SH3BGR: variants seen among roughly 807,000 people sequenced by gnomAD.
SH3BGR encodes SH3 domain-binding glutamic acid-rich protein.
SH3BGR carries 29 observed loss-of-function variants against 24.5 expected under a neutral mutation model. That is an observed-to-expected ratio of 1.18 (90% CI 0.88 to 1.61). SH3BGR has a LOEUF of 1.61. Among genes scored for constraint, SH3BGR ranks in the 40% most tolerant of loss-of-function variants. SH3BGR has a pLI of 0.00. For missense variants in SH3BGR, 162 were observed against 205.8 expected (o/e 0.79, Z 1.30); for synonymous variants, 55 against 65.7 (o/e 0.84, Z 0.79).
chr21:39,497,917 A>G (rs140162004), intron 3 of SH3BGR, among the ~76,000 whole-genome samples: 1 of 152,346 alleles, frequency 6.6e-6, no homozygotes, highest in African/African-American at 2.4e-5. Flanking sequence ...GAAAACTAAT[A>G]AGAATAGCCT....
In SH3BGR at chr21:39,459,015, A is replaced by G. The variant is rs563578758; in HGVS notation, c.46-3360A>G. On this transcript the variant is annotated intron_variant, in intron 1 of 6. Transcript: ENST00000333634. ...AGTATCCTGAGTGTATTCTATATCC[A>G]TATTGTACCAATTAGTTCTGTGGTT... Among the ~76,000 whole-genome samples the G allele has an allele frequency of 1.5e-3, 229 of 151,554 alleles. 2 individuals are homozygous for G. Among genetic ancestry groups the G allele is most frequent in the African/African-American group, 5.1e-3 (210 of 41,338 alleles).
intron 4 of SH3BGR, 33 bp from the exon 5 acceptor site, chr21:39,508,964 GT>G: frequency 1.9e-6 from 3 of 1,551,896 alleles, no homozygotes; most frequent in African/African-American, 2.7e-5. Flanking sequence ...CTTGAATTAT[GT>G]TTTTTTCTTT....
chr21:39,451,459 A>AC (rs1448328963), upstream of SH3BGR, among the ~76,000 whole-genome samples: 3 of 152,214 alleles, frequency 2.0e-5, no homozygotes, highest in Non-Finnish European at 4.4e-5. Flanking sequence ...CACACTGGAA[A>AC]CAGCCACTCT....
At chr21:39,484,963 C>G (rs555670686) in intron 3 of SH3BGR, among the ~76,000 whole-genome samples, 1 of 152,180 alleles carries the variant, frequency 6.6e-6, no homozygotes. Flanking sequence ...AATAGGTACT[C>G]TTGACAATTA....
At chr21:39,498,443 T>C (rs1176602455) in intron 3 of SH3BGR, among the ~76,000 whole-genome samples, 1 of 152,220 alleles carries the variant, frequency 6.6e-6, no homozygotes, top group Non-Finnish European at 1.5e-5. Flanking sequence ...TGTGACATTT[T>C]CTGCCTTTAT....
In SH3BGR at chr21:39,452,045, C is replaced by A; in HGVS notation, c.-52C>A. On this transcript the variant is annotated 5_prime_UTR_variant, in exon 1 of 7. Coordinates refer to ENST00000333634, the MANE Select transcript of SH3BGR (RefSeq NM_007341.3). ...GTCACTGTCAGGATTTGTCTAGCGG[C>A]GCATTCCCTGACAGGGGTGTGTTGG... 6.2e-7 allele frequency: 1 copy of A among 1,614,118 alleles called. No homozygotes were observed. The highest frequency in any genetic ancestry group is 8.5e-7 in the Non-Finnish European group (1 of 1,180,020).
At chr21:39,499,317 C>A (rs990037803) in intron 3 of SH3BGR, among the ~76,000 whole-genome samples, 2 of 128,672 alleles carry the variant, frequency 1.6e-5, no homozygotes, top group African/African-American at 2.5e-5. Context: ...TTTGCCCATC[C>A]ATCCATTCCT....
intron 1 of SH3BGR, among the ~76,000 whole-genome samples, chr21:39,453,539 ACAAT>A (rs529934170): frequency 1.2e-4 from 19 of 152,342 alleles, no homozygotes; most frequent in Middle Eastern, 3.4e-3. Flanking sequence ...TCTTCAGAAG[ACAAT>A]CAATAAGTTA....
intron 3 of SH3BGR, among the ~76,000 whole-genome samples, chr21:39,476,216 G>A (rs1005554567): frequency 6.6e-6 from 1 of 152,272 alleles, no homozygotes; most frequent in Non-Finnish European, 1.5e-5. Flanking sequence ...GAGACCAGGA[G>A]CGTGTGGCGT....
At chr21:39,458,710 G>A (rs1235973685) in intron 1 of SH3BGR, among the ~76,000 whole-genome samples, 1 of 147,508 alleles carries the variant, frequency 6.8e-6, no homozygotes, top group Non-Finnish European at 1.5e-5. Flanking sequence ...GCAGTGGCAT[G>A]ATCTGGGCTT....
chr21:39,483,776 T>C lies in SH3BGR; in HGVS notation c.312+8561T>C, dbSNP rs141853555. 2.0e-5 allele frequency among the ~76,000 whole-genome samples: 3 copies of C among 152,318 alleles called. 1 individual carries two copies. Among genetic ancestry groups the C allele is most frequent in the Admixed American group, 1.3e-4 (2 of 15,300 alleles). On this transcript the variant is annotated intron_variant, in intron 3 of 6. Coordinates refer to ENST00000333634, the MANE Select transcript of SH3BGR (RefSeq NM_007341.3). ...TTTATGGTCTAGAGGAATAGTTAGATGTGAGCATTCTGTAAGTAGATAAAA... is the reference window on the plus strand; with the variant it reads ...TTTATGGTCTAGAGGAATAGTTAGACGTGAGCATTCTGTAAGTAGATAAAA...
At chr21:39,473,578 C>A (rs1370221438) in intron 2 of SH3BGR, among the ~76,000 whole-genome samples, 1 of 152,060 alleles carries the variant, frequency 6.6e-6, no homozygotes, top group African/African-American at 2.4e-5. Flanking sequence ...AACAATAAAG[C>A]TTTGAATAAG....
chr21:39,462,882 A>C (rs1162696475), intron 2 of SH3BGR, among the ~76,000 whole-genome samples: 1 of 152,356 alleles, frequency 6.6e-6, no homozygotes, highest in East Asian at 1.9e-4. Flanking sequence ...CAGTGTGCAC[A>C]CACGTGTATC....
At chr21:39,499,260 G>GCTA (rs1569171556) in intron 3 of SH3BGR, among the ~76,000 whole-genome samples, 1 of 151,516 alleles carries the variant, frequency 6.6e-6, no homozygotes, top group Admixed American at 6.6e-5. Flanking sequence ...TCTATCATCT[G>GCTA]TCTATCTGTC....
chr21:39,496,327 C>T (rs181856877), intron 3 of SH3BGR, among the ~76,000 whole-genome samples: 6,916 of 150,630 alleles, frequency 0.046, 290 homozygotes, highest in African/African-American at 0.11. Flanking sequence ...GGTGAAACCC[C>T]GTCTCTACTA....
intron 2 of SH3BGR, among the ~76,000 whole-genome samples, chr21:39,471,477 C>CTAAA (rs2077939552): frequency 6.6e-6 from 1 of 152,070 alleles, no homozygotes; most frequent in African/African-American, 2.4e-5. Flanking sequence ...TAGGTTTTCC[C>CTAAA]CTATAATCTG....
At chr21:39,474,844 A>G (rs1021604360) in intron 2 of SH3BGR, among the ~76,000 whole-genome samples, 2 of 151,942 alleles carry the variant, frequency 1.3e-5, no homozygotes, top group Non-Finnish European at 2.9e-5. Context: ...AAAGCCATTT[A>G]CTGTGTATAT....
At position 39,464,780 on chromosome 21, in the gene SH3BGR, T is replaced by A. The variant is rs1034677615; in HGVS notation, c.231+2220T>A. Among the ~76,000 whole-genome samples, 8 of 152,320 alleles carry A rather than the reference T, an allele frequency of 5.3e-5. No individual in the cohort carries two copies. In the Middle Eastern group the frequency reaches 0.01, roughly 194 times the overall value. ...CACATCTTCCCCACCTTCCTTTACC[T>A]GACCCACATTTCTCAAAATTGTGGC... On this transcript the variant is annotated intron_variant, in intron 2 of 6. Transcript: ENST00000333634.
intron 1 of SH3BGR, chr21:39,446,174 T>A (rs2148424405): frequency 6.6e-6 from 1 of 152,174 alleles, no homozygotes; most frequent in South Asian, 2.1e-4. Flanking sequence ...ACGATTTTTT[T>A]TTTTTTTTTG....
Sources: allele counts gnomAD v4.1 joint callset (sites outside exome capture counted in the v4.1 genomes callset), GRCh38; gene constraint gnomAD v4.1.1; transcripts MANE v1.5; gene names NCBI Gene and HGNC (gene_info 2026-07-23, HGNC 2026-07-21).